The following COL5A2 variants were observed in gnomAD, a reference collection of about 807,000 sequenced individuals.
COL5A2 encodes the protein collagen type V alpha 2 chain.
COL5A2 carries 23 observed loss-of-function variants against 208.2 expected under a neutral mutation model. The ratio of observed to expected loss-of-function variants is 0.11; its 90% CI spans 0.08 to 0.16. The LOEUF (loss-of-function observed/expected upper bound fraction) is 0.16, where lower values mean the gene tolerates loss of function less well. Among genes scored for constraint, COL5A2 ranks in the 10% least tolerant of loss-of-function variants. The probability of loss-of-function intolerance (pLI) is 1.00; values close to 1 mark genes in which losing one functional copy is unlikely to be tolerated. For synonymous variants in COL5A2, 625 were observed against 628.5 expected (o/e 0.99, Z 0.08); for missense variants, 1,590 against 1,956.4 (o/e 0.81, Z 3.53).
the COL5A2 span, among the ~76,000 whole-genome samples, chr2:189,339,282 C>T: frequency 8.7e-5 from 13 of 149,200 alleles, no homozygotes; most frequent in Non-Finnish European, 1.5e-4. Context: ...ACCTTGGAAG[C>T]GGAGGTTACA....
the COL5A2 span, among the ~76,000 whole-genome samples, chr2:189,317,083 C>A: frequency 6.6e-6 from 1 of 151,934 alleles, no homozygotes; most frequent in Non-Finnish European, 1.5e-5. Context: ...TCATTTTAGT[C>A]TTTATATAAA....
intron 1 of COL5A2, among the ~76,000 whole-genome samples, chr2:189,119,522 G>T: frequency 6.6e-6 from 1 of 151,872 alleles, no homozygotes; most frequent in Non-Finnish European, 1.5e-5. Flanking sequence ...AATTTCAAAA[G>T]TTTTAGATTA....
chr2:189,299,991 C>T, the COL5A2 span, among the ~76,000 whole-genome samples: 5 of 152,162 alleles, frequency 3.3e-5, no homozygotes, highest in East Asian at 1.9e-4. Flanking sequence ...CATATACTGG[C>T]GGCAGTTCTC....
the COL5A2 span, among the ~76,000 whole-genome samples, chr2:189,272,412 C>T: frequency 2.6e-5 from 4 of 151,976 alleles, no homozygotes; most frequent in African/African-American, 4.8e-5. Context: ...AACAGAGGAA[C>T]AGAAAACCAA....
At chr2:189,276,401 A>G in the COL5A2 span, among the ~76,000 whole-genome samples, 1 of 152,218 alleles carries the variant, frequency 6.6e-6, no homozygotes, top group East Asian at 1.9e-4. Flanking sequence ...GAGATGTCTT[A>G]GACCCTGTTG....
intron 1 of COL5A2, among the ~76,000 whole-genome samples, chr2:189,115,526 A>T (rs1442037050): frequency 6.6e-6 from 1 of 152,156 alleles, no homozygotes; most frequent in African/African-American, 2.4e-5. Context: ...AAATATATGA[A>T]ATAAAAGTCC....
the COL5A2 span, among the ~76,000 whole-genome samples, chr2:189,286,959 A>G: frequency 6.6e-6 from 1 of 152,294 alleles, no homozygotes; most frequent in African/African-American, 2.4e-5. Context: ...AAGAATGAAC[A>G]TCTACTTTGT....
At chr2:189,221,640 G>T (rs1484580886) in intron 1 of COL5A2, among the ~76,000 whole-genome samples, 3 of 152,048 alleles carry the variant, frequency 2.0e-5, no homozygotes, top group Non-Finnish European at 4.4e-5. Context: ...TGTGACTGAG[G>T]TAAGCTTACA....
At position 189,047,642 on chromosome 2, in the gene COL5A2, T is replaced by C. The variant is rs1363538856; in HGVS notation, c.3201+567A>G. Among the ~76,000 whole-genome samples, 3 of 152,182 alleles carry C rather than the reference T, an allele frequency of 2.0e-5. No homozygotes were observed. The East Asian group carries it at 5.8e-4, about 29-fold the overall frequency. On this transcript the variant is annotated intron_variant, in intron 45 of 53. Transcript: ENST00000374866. ...TGCTACATGATGAGCTTTAATTACA[T>C]CATAACAGACTTTGGAGTGGGGAGT...
chr2:189,102,153 A>T (rs1687058645), intron 3 of COL5A2, among the ~76,000 whole-genome samples: 1 of 152,096 alleles, frequency 6.6e-6, no homozygotes, highest in African/African-American at 2.4e-5. Flanking sequence ...AGAACAAATA[A>T]AAAGAGAGGA....
At chr2:189,409,848 A>G in the COL5A2 span, among the ~76,000 whole-genome samples, 1 of 152,202 alleles carries the variant, frequency 6.6e-6, no homozygotes, top group Non-Finnish European at 1.5e-5. Context: ...TTTTCCATCC[A>G]CACCCAAACC....
At chr2:189,100,781 A>T (rs1687032195) in intron 3 of COL5A2, among the ~76,000 whole-genome samples, 2 of 152,068 alleles carry the variant, frequency 1.3e-5, no homozygotes, top group South Asian at 4.1e-4. Flanking sequence ...AAAACAACAT[A>T]AGAAACTATC....
chr2:189,088,997 A>C (rs1332098923), intron 7 of COL5A2, among the ~76,000 whole-genome samples: 2 of 152,212 alleles, frequency 1.3e-5, no homozygotes, highest in African/African-American at 4.8e-5. Context: ...ATGTTGCTCC[A>C]GAGCAGTTTC....
intron 1 of COL5A2, among the ~76,000 whole-genome samples, chr2:189,117,167 C>T (rs980699802): frequency 3.9e-5 from 6 of 152,078 alleles, no homozygotes; most frequent in South Asian, 4.1e-4. Context: ...GTGGCCAAAA[C>T]GTGAAACTAA....
At chr2:189,046,894 C>T (rs556853545) in intron 45 of COL5A2, among the ~76,000 whole-genome samples, 1 of 151,876 alleles carries the variant, frequency 6.6e-6, no homozygotes, top group Non-Finnish European at 1.5e-5. Context: ...GAGGCCAAGG[C>T]GGCCGGATCA....
the COL5A2 span, among the ~76,000 whole-genome samples, chr2:189,435,921 A>G: frequency 6.6e-6 from 1 of 152,206 alleles, no homozygotes. Flanking sequence ...AAGACTTGGA[A>G]CCAGCCCAAA....
the COL5A2 span, among the ~76,000 whole-genome samples, chr2:189,381,449 C>T: frequency 9.2e-5 from 14 of 152,024 alleles, no homozygotes; most frequent in African/African-American, 3.4e-4. Flanking sequence ...ATGCATTAAG[C>T]AATGTCTGGA....
chr2:189,278,996 A>G, the COL5A2 span, among the ~76,000 whole-genome samples: 7 of 151,934 alleles, frequency 4.6e-5, no homozygotes, highest in Non-Finnish European at 8.8e-5. Context: ...CTTGTTTTAA[A>G]TTACTATTAT....
At chr2:189,051,789 T>C (rs777531751) in intron 41 of COL5A2, among the ~76,000 whole-genome samples, 27 of 152,358 alleles carry the variant, frequency 1.8e-4, no homozygotes, top group Middle Eastern at 3.4e-3. Context: ...GATGAATATA[T>C]AATACTTTAT....
Sources: gnomAD v4.1 joint callset for allele counts (sites outside exome capture counted in the v4.1 genomes callset) on GRCh38, gnomAD v4.1.1 for gene constraint, MANE v1.5 for transcripts, NCBI Gene and HGNC (gene_info 2026-07-23, HGNC 2026-07-21) for gene names.